A2M: variants seen among roughly 807,000 people sequenced by gnomAD.
The protein encoded by A2M is C3 and PZP-like alpha-2-macroglobulin domain-containing protein 5.
In A2M, 128 loss-of-function variants were observed where a neutral mutation model predicts 183.9. The observed-to-expected ratio is 0.70, with a 90% confidence interval of 0.60 to 0.81. The LOEUF is 0.81. Among genes scored for constraint, A2M ranks in the 30% least tolerant of loss-of-function variants. The pLI, the probability that A2M is intolerant of heterozygous loss-of-function variation, is 0.00. For synonymous variants in A2M, 592 were observed against 670.8 expected (o/e 0.88, Z 1.81); for missense variants, 1,495 against 1,787.6 (o/e 0.84, Z 2.95).
At chr12:9,083,661 A>G (rs1050859252) in intron 22 of A2M, among the ~76,000 whole-genome samples, 19 of 151,852 alleles carry the variant, frequency 1.3e-4, no homozygotes, top group Non-Finnish European at 1.5e-4. Flanking sequence ...TCATCATGAA[A>G]TCAAACCTTT....
At chr12:9,081,919 G>A (rs1252695696) in intron 22 of A2M, among the ~76,000 whole-genome samples, 1 of 152,202 alleles carries the variant, frequency 6.6e-6, no homozygotes, top group African/African-American at 2.4e-5. Flanking sequence ...AGAGATACCA[G>A]CCAACTGCAT....
intron 5 of A2M, 97 bp from the exon 6 acceptor site, chr12:9,110,132 C>A (rs1938614927): frequency 7.6e-7 from 1 of 1,316,906 alleles, no homozygotes; most frequent in African/African-American, 1.5e-5. Flanking sequence ...ACAAAAAGGT[C>A]AAATGGGGTA....
intron 29 of A2M, among the ~76,000 whole-genome samples, 183 bp downstream of exon 29, chr12:9,074,377 T>C (rs1948672691): frequency 6.6e-6 from 1 of 152,190 alleles, no homozygotes. Context: ...TTCTGAGCAT[T>C]TCCTTTTGGC....
chr12:9,097,632 C>CTTTTTTTTTTTT (rs34844537), intron 15 of A2M, among the ~76,000 whole-genome samples: 1 of 127,116 alleles, frequency 7.9e-6, no homozygotes, highest in African/African-American at 2.9e-5. Context: ...TGATGTAATT[C>CTTTTTTTTTTTT]TTTTTTTTTT....
intron 17 of A2M, among the ~76,000 whole-genome samples, chr12:9,094,475 A>T (rs141105187): frequency 0.022 from 3,308 of 151,354 alleles, 123 homozygotes; most frequent in African/African-American, 0.075. Context: ...AGTGAATTCC[A>T]TAGAGCCAAC....
upstream of A2M, chr12:9,116,126 A>T (rs1239890829): frequency 2.4e-6 from 1 of 416,678 alleles, no homozygotes; most frequent in Middle Eastern, 7.7e-4. Flanking sequence ...GTAAGAGCTC[A>T]CTTTTACCGT....
At chr12:9,114,398 C>A (rs1938967289) in intron 1 of A2M, among the ~76,000 whole-genome samples, 1 of 152,010 alleles carries the variant, frequency 6.6e-6, no homozygotes, top group South Asian at 2.1e-4. Flanking sequence ...TAAGTAATAG[C>A]AAAAGATATT....
At position 9,077,385 on chromosome 12, in the gene A2M, A is replaced by G. The variant is rs1948778433; in HGVS notation, c.3312T>C (p.Tyr1104=). 6.2e-7 allele frequency: 1 copy of G among 1,613,584 alleles called. No individual in the cohort carries two copies. The highest frequency in any genetic ancestry group is 1.3e-5 in the African/African-American group (1 of 74,944). ...GAATCTCCAGAAGGGCGATGGTGAT[A>G]TAGGCGGAGAGGGTCACTTCATCTT... ...GVEDEVTLSA[Y]ITIALLEIPL... Residue 1104 remains tyrosine (Y), a synonymous_variant, in exon 27 of 36, where the codon TAT becomes TAC. Transcript: ENST00000318602.
chr12:9,089,168 A>T, intron 22 of A2M, 32 bp downstream of exon 22: 1 of 1,499,996 alleles, frequency 6.7e-7, no homozygotes, highest in Non-Finnish European at 9.1e-7. Flanking sequence ...TTAGACTTTA[A>T]TGTTTTTTAA....
chr12:9,092,251 A>T (rs1949234809), intron 18 of A2M, among the ~76,000 whole-genome samples: 1 of 152,118 alleles, frequency 6.6e-6, no homozygotes, highest in Non-Finnish European at 1.5e-5. Context: ...TTGTCTATGC[A>T]TCAAGCACCC....
chr12:9,107,714 CT>C lies in A2M; in HGVS notation c.759-71del, dbSNP rs141891862. On this transcript the variant is annotated intron_variant, in intron 7 of 35. Transcript: ENST00000318602. Reference sequence around the variant, plus strand: ...CTCCCCATTTTCTAGCTATTTATATCTCCCCTTTAGCTACAGTATATTCCCT... The same window carrying C: ...CTCCCCATTTTCTAGCTATTTATATCCCCCTTTAGCTACAGTATATTCCCT... The C allele has an allele frequency of 3.0e-3, 4,735 of 1,569,618 alleles. 129 individuals carry two copies. The African/African-American group carries it at 0.057, about 19-fold the overall frequency.
chr12:9,082,852 C>T (rs983122297), intron 22 of A2M, among the ~76,000 whole-genome samples: 6 of 152,176 alleles, frequency 3.9e-5, no homozygotes, highest in African/African-American at 1.2e-4. Context: ...GACATAGAAA[C>T]GATTGTGAAT....
chr12:9,100,905 G>A (rs150652571), intron 13 of A2M, among the ~76,000 whole-genome samples: 119 of 152,284 alleles, frequency 7.8e-4, no homozygotes, highest in African/African-American at 2.8e-3. Context: ...TCAGGGGGAA[G>A]GGTGGAAGGG....
In A2M at chr12:9,076,836, G is replaced by T; in HGVS notation, c.3452C>A (p.Ala1151Asp). 1 of 1,614,020 alleles carries T rather than the reference G, an allele frequency of 6.2e-7. No individual in the cohort carries two copies. Among genetic ancestry groups the T allele is most frequent in the Non-Finnish European group, 8.5e-7 (1 of 1,179,966 alleles). Reference sequence around the variant, plus strand: ...GTTACCTGCCAGGGCAAAAGCATAGGCCAGCAGTGCTTTGGTATATACATG... The same window carrying T: ...GTTACCTGCCAGGGCAAAAGCATAGTCCAGCAGTGCTTTGGTATATACATG... ...GSHVYTKALL[A>D]YAFALAGNQD... is the part of the protein sequence containing the mutation. The change falls in exon 28 of 36, where the codon GCC (alanine) becomes GAC (aspartate). Residue 1151 changes from alanine to aspartate, a missense_variant. Ala to Asp is a moderately radical substitution (Grantham distance 126, BLOSUM62 -2). Transcript: ENST00000318602.
At chr12:9,067,878 G>A (rs1207272255) in intron 35 of A2M, 39 bp from the exon 36 acceptor site, 2 of 1,597,670 alleles carry the variant, frequency 1.3e-6, no homozygotes, top group Non-Finnish European at 1.7e-6. Flanking sequence ...GACAGATTTG[G>A]GTCTCCATGA....
At position 9,101,566 on chromosome 12, in the gene A2M, C is replaced by T; in HGVS notation, c.1375G>A (p.Val459Ile). 1 of 1,613,966 alleles carries T rather than the reference C, an allele frequency of 6.2e-7. No homozygotes were observed. The highest frequency in any genetic ancestry group is 8.5e-7 in the Non-Finnish European group (1 of 1,179,890). The change falls in exon 12 of 36, where the codon GTC (valine) becomes ATC (isoleucine). Residue 459 changes from valine to isoleucine, a missense_variant. Val to Ile is a conservative substitution (Grantham distance 29). Transcript: ENST00000318602. ...TCATGAGACATGGGCTCAAGGTGGA[C>T]AAAGCTCTTGCTTGGGGAGAACACA... ...YLVFSPSKSF[V>I]HLEPMSHELP...
Position 9,113,521 on chromosome 12 carries a change from A to C in A2M, c.109T>G (p.Ser37Ala), listed in dbSNP as rs781302702. 6.2e-7 allele frequency: 1 copy of C among 1,613,872 alleles called. No homozygotes were observed. Among genetic ancestry groups the C allele is most frequent in the Admixed American group, 1.7e-5 (1 of 59,996 alleles). Reference protein sequence around the residue: ...GKPQYMVLVPSLLHTETTEKG... With the variant: ...GKPQYMVLVPALLHTETTEKG... ...TCAGTGGTCTCAGTGTGGAGCAGGG[A>C]GGGGACCAGAACCATATACTGCCTG... is the stretch of plus-strand genomic sequence containing the variant. The change falls in exon 2 of 36, where the codon TCC becomes GCC. Residue 37 changes from serine (S) to alanine (A), a missense_variant. Coordinates refer to ENST00000318602, the MANE Select transcript of A2M (RefSeq NM_000014.6).
intron 17 of A2M, 117 bp downstream of exon 17, chr12:9,094,856 A>G: frequency 2.1e-6 from 1 of 487,062 alleles, no homozygotes; most frequent in Non-Finnish European, 3.5e-6. Context: ...AATAACCTTA[A>G]TATGTATGAC....
At chr12:9,078,229 C>G (rs1229106949) in intron 25 of A2M, among the ~76,000 whole-genome samples, 4 of 152,134 alleles carry the variant, frequency 2.6e-5, no homozygotes, top group Admixed American at 2.6e-4. Flanking sequence ...GTGTGTTGTT[C>G]CTGTCCCTGT....
Sources: gnomAD v4.1 joint callset for allele counts (sites outside exome capture counted in the v4.1 genomes callset) on GRCh38, gnomAD v4.1.1 for gene constraint, MANE v1.5 for transcripts, NCBI Gene and HGNC (gene_info 2026-07-23, HGNC 2026-07-21) for gene names.